The following PDE3A variants were observed in gnomAD, a reference collection of about 807,000 sequenced individuals.
PDE3A encodes phosphodiesterase 3A.
PDE3A carries 43 observed loss-of-function variants against 98.3 expected under a neutral mutation model. The observed-to-expected ratio is 0.44, with a 90% CI of 0.34 to 0.56. PDE3A has a LOEUF of 0.56. Among genes scored for constraint, PDE3A ranks in the 20% least tolerant of loss-of-function variants. The pLI is 0.01. For synonymous variants in PDE3A, 663 were observed against 567.9 expected (o/e 1.17, Z -2.38); for missense variants, 1,427 against 1,440.7 (o/e 0.99, Z 0.15).
chr12:20,649,862 G>A (rs1249727644), intron 13 of PDE3A, among the ~76,000 whole-genome samples: 1 of 152,152 alleles, frequency 6.6e-6, no homozygotes, highest in East Asian at 1.9e-4. Flanking sequence ...AGGAGGTGGA[G>A]GTTGCACTGA....
intron 15 of PDE3A, among the ~76,000 whole-genome samples, chr12:20,661,331 A>G (rs1945165543): frequency 6.6e-6 from 1 of 152,242 alleles, no homozygotes; most frequent in African/African-American, 2.4e-5. Flanking sequence ...GAAAATTTGC[A>G]GTCTGGCAAT....
At chr12:20,629,019 C>G (rs1944323001) in intron 5 of PDE3A, among the ~76,000 whole-genome samples, 1 of 152,114 alleles carries the variant, frequency 6.6e-6, no homozygotes, top group African/African-American at 2.4e-5. Flanking sequence ...ATTTCATTTG[C>G]CCTACATTAC....
At chr12:20,426,935 G>T (rs967667670) in intron 1 of PDE3A, among the ~76,000 whole-genome samples, 1 of 152,162 alleles carries the variant, frequency 6.6e-6, no homozygotes, top group Admixed American at 6.5e-5. Flanking sequence ...TTCTATGATT[G>T]CATGGATGGT....
At chr12:20,533,192 A>T (rs11045294) in intron 1 of PDE3A, among the ~76,000 whole-genome samples, 31,366 of 151,884 alleles carry the variant, frequency 0.21, 3,980 homozygotes, top group East Asian at 0.57. Context: ...AGGAGTTTGC[A>T]TTTTTTTCAA....
intron 2 of PDE3A, among the ~76,000 whole-genome samples, chr12:20,607,436 C>CA (rs765702703): frequency 0.1 from 6,064 of 60,548 alleles, 157 homozygotes; most frequent in Middle Eastern, 0.13. Context: ...GACTCCGTCT[C>CA]AAAAAAAAAA....
chr12:20,506,277 A>G (rs1158321215), intron 1 of PDE3A, among the ~76,000 whole-genome samples: 1 of 152,042 alleles, frequency 6.6e-6, no homozygotes, highest in African/African-American at 2.4e-5. Flanking sequence ...TTTCCTTGGA[A>G]GTTATACTAT....
chr12:20,649,033 C>A, intron 13 of PDE3A, 142 bp downstream of exon 13: 1 of 601,152 alleles, frequency 1.7e-6, no homozygotes, highest in South Asian at 2.1e-5. Flanking sequence ...TCAAGTGATT[C>A]TCCTGCCTCA....
chr12:20,397,735 C>A (rs893480953), intron 1 of PDE3A, among the ~76,000 whole-genome samples: 1 of 151,702 alleles, frequency 6.6e-6, no homozygotes, highest in Non-Finnish European at 1.5e-5. Flanking sequence ...TTGCCTCCTC[C>A]GTATATATTT....
chr12:20,650,366 A>G (rs907773280), intron 13 of PDE3A, 79 bp from the exon 14 acceptor site: 15 of 865,166 alleles, frequency 1.7e-5, no homozygotes, highest in Middle Eastern at 7.5e-4. Flanking sequence ...AAGACAATAA[A>G]TGTTCTATTG....
At chr12:20,650,274 AC>A (rs1168726624) in intron 13 of PDE3A, among the ~76,000 whole-genome samples, 170 bp from the exon 14 acceptor site, 5 of 152,118 alleles carry the variant, frequency 3.3e-5, no homozygotes, top group Non-Finnish European at 5.9e-5. Context: ...AACTATTTTT[AC>A]CATTAATTTA....
At chr12:20,384,689 G>A (rs542022370) in intron 1 of PDE3A, among the ~76,000 whole-genome samples, 13 of 151,342 alleles carry the variant, frequency 8.6e-5, no homozygotes, top group East Asian at 3.9e-4. Flanking sequence ...TCACCCTGTC[G>A]CCCCACCCGA....
Position 20,680,138 on chromosome 12 carries a change from G to T in PDE3A, c.3293G>T (p.Gly1098Val). Residue 1098 changes from glycine (G) to valine (V), a missense_variant, in exon 16 of 16, where the codon GGC becomes GTC. Around this residue, in one of 3 missense-constraint regions of PDE3A, gnomAD observed 142 missense variants for 133.9 expected, o/e 1.06. Transcript: ENST00000359062. ...ATTGAAGAGGAGCAACGGTTGGCAG[G>T]CATAGAAAATCAATCCCTGGACCAG... Reference protein sequence around the residue: ...KVIEEEQRLAGIENQSLDQTP... With the variant: ...KVIEEEQRLAVIENQSLDQTP... The T allele has an allele frequency of 5.0e-6, 8 of 1,613,844 alleles. No homozygotes were observed. In the South Asian group the frequency reaches 7.7e-5, roughly 16 times the overall value.
At chr12:20,452,940 C>A (rs1208175445) in intron 1 of PDE3A, among the ~76,000 whole-genome samples, 3 of 152,182 alleles carry the variant, frequency 2.0e-5, no homozygotes, top group Admixed American at 1.3e-4. Flanking sequence ...AAAGACACTG[C>A]TAATTCTTCT....
intron 1 of PDE3A, among the ~76,000 whole-genome samples, chr12:20,538,974 A>T (rs1478632365): frequency 6.6e-6 from 1 of 151,622 alleles, no homozygotes; most frequent in Non-Finnish European, 1.5e-5. Context: ...GGACAACACC[A>T]ATCAGTTATT....
intron 1 of PDE3A, among the ~76,000 whole-genome samples, chr12:20,391,859 A>G (rs1261898535): frequency 2.0e-5 from 3 of 151,928 alleles, no homozygotes; most frequent in Non-Finnish European, 4.4e-5. Flanking sequence ...TATGACTGGA[A>G]CAAAGCGAAG....
In PDE3A at chr12:20,369,858, G is replaced by C; in HGVS notation, c.574G>C (p.Gly192Arg). The C allele has an allele frequency of 6.2e-7, 1 of 1,612,472 alleles. No individual in the cohort carries two copies. The highest frequency in any genetic ancestry group is 1.1e-5 in the South Asian group (1 of 91,014). ...TCACTTACTCTCACTCCCCGCCGCG[G>C]GGGTGGTGCTCAGCTGCTTGGCCGC... ...EDHLLSLPAAGVVLSCLAAAT... is the reference protein window; with the variant it reads ...EDHLLSLPAARVVLSCLAAAT... Residue 192 changes from glycine (G) to arginine (R), a missense_variant, in exon 1 of 16, where the codon GGG becomes CGG. Around this residue, in one of 3 missense-constraint regions of PDE3A, gnomAD observed 1,012 missense variants for 886.5 expected, o/e 1.14. Transcript: ENST00000359062.
intron 1 of PDE3A, among the ~76,000 whole-genome samples, chr12:20,448,751 G>GTTTTTTT (rs1265923346): frequency 0.2 from 26,412 of 132,156 alleles, 3,649 homozygotes; most frequent in East Asian, 0.63. Context: ...TTTATTTTAA[G>GTTTTTTT]GTTTTTTTTT....
intron 1 of PDE3A, among the ~76,000 whole-genome samples, chr12:20,385,795 G>C (rs971158248): frequency 4.0e-5 from 6 of 149,804 alleles, no homozygotes; most frequent in African/African-American, 9.9e-5. Flanking sequence ...GTTGTGGGGT[G>C]GGGGGAGTGG....
chr12:20,422,330 C>T (rs1178714310), intron 1 of PDE3A, among the ~76,000 whole-genome samples: 7 of 150,876 alleles, frequency 4.6e-5, no homozygotes, highest in East Asian at 3.9e-4. Flanking sequence ...GGCAACAGAG[C>T]GAGACTCTGT....
Sources: allele counts gnomAD v4.1 joint callset (sites outside exome capture counted in the v4.1 genomes callset), GRCh38; gene constraint gnomAD v4.1.1; regional missense constraint gnomAD v4.1.1; transcripts MANE v1.5; gene names NCBI Gene and HGNC (gene_info 2026-07-23, HGNC 2026-07-21).